The following NBEA variants were observed in gnomAD, a reference collection of about 807,000 sequenced individuals.
The protein encoded by NBEA is lysosomal-trafficking regulator 2.
In NBEA, 44 loss-of-function variants were observed where a neutral mutation model predicts 343.4. That is an observed-to-expected ratio of 0.13 (90% CI 0.10 to 0.16). The LOEUF (loss-of-function observed/expected upper bound fraction) is 0.16. NBEA is among the 10% of genes least tolerant of loss of function. The pLI is 1.00. For synonymous variants in NBEA, 1,175 were observed against 1,238.7 expected (o/e 0.95, Z 1.08); for missense variants, 2,555 against 3,631.3 (o/e 0.70, Z 7.62).
chr13:35,032,692 A>C (rs1388815752), intron 1 of NBEA, among the ~76,000 whole-genome samples: 1 of 151,598 alleles, frequency 6.6e-6, no homozygotes, highest in African/African-American at 2.4e-5. Context: ...TGAATATAAG[A>C]CATTTTTAAC....
intron 8 of NBEA, among the ~76,000 whole-genome samples, chr13:35,059,439 C>T (rs2152567845): frequency 6.6e-6 from 1 of 151,820 alleles, no homozygotes; most frequent in South Asian, 2.1e-4. Flanking sequence ...ATAGAGCGTG[C>T]ACATATATGA....
At chr13:35,271,587 C>T (rs1359223415) in intron 34 of NBEA, among the ~76,000 whole-genome samples, 1 of 152,092 alleles carries the variant, frequency 6.6e-6, no homozygotes, top group Non-Finnish European at 1.5e-5. Flanking sequence ...TAACCCATTG[C>T]AAGGAAGCTA....
At chr13:34,969,041 G>T (rs2059916063) in intron 1 of NBEA, among the ~76,000 whole-genome samples, 1 of 152,028 alleles carries the variant, frequency 6.6e-6, no homozygotes, top group African/African-American at 2.4e-5. Context: ...GAGTGATCAT[G>T]ACTTTTATCA....
chr13:35,123,605 G>T (rs773855826), intron 17 of NBEA, 31 bp downstream of exon 17: 227 of 1,312,448 alleles, frequency 1.7e-4, no homozygotes, highest in Non-Finnish European at 2.3e-4. Flanking sequence ...ATGCATTCTA[G>T]AAATAACTAT....
At chr13:35,348,925 C>G (rs986439098) in intron 36 of NBEA, among the ~76,000 whole-genome samples, 183 bp from the exon 37 acceptor site, 20 of 151,992 alleles carry the variant, frequency 1.3e-4, no homozygotes, top group African/African-American at 4.6e-4. Flanking sequence ...ATTGGTGCAA[C>G]AGTTTTATGA....
chr13:35,366,953 TTTGCCTC>T (rs901325622), intron 38 of NBEA, among the ~76,000 whole-genome samples: 3 of 151,392 alleles, frequency 2.0e-5, no homozygotes, highest in African/African-American at 7.2e-5. Context: ...GCAAGTTACA[TTTGCCTC>T]TTACCAATTT....
intron 1 of NBEA, among the ~76,000 whole-genome samples, chr13:34,998,525 C>T (rs557971733): frequency 8.5e-5 from 13 of 152,246 alleles, no homozygotes; most frequent in African/African-American, 1.4e-4. Context: ...GCCCCCAAAG[C>T]GGCCATTTTA....
chr13:35,075,396 T>A (rs2064068658), intron 10 of NBEA, among the ~76,000 whole-genome samples: 1 of 152,158 alleles, frequency 6.6e-6, no homozygotes, highest in African/African-American at 2.4e-5. Context: ...GTTTTAATGT[T>A]ATTGTAAACT....
At chr13:35,402,258 C>G (rs1364915120) in intron 38 of NBEA, among the ~76,000 whole-genome samples, 1 of 151,510 alleles carries the variant, frequency 6.6e-6, no homozygotes, top group Non-Finnish European at 1.5e-5. Context: ...ATATTTTATA[C>G]CTGAATAGTA....
At chr13:35,428,426 T>C (rs1032160496) in intron 38 of NBEA, among the ~76,000 whole-genome samples, 36 of 152,240 alleles carry the variant, frequency 2.4e-4, no homozygotes, top group African/African-American at 8.7e-4. Context: ...CCTTCTGTTA[T>C]TCAGTTTGCA....
At chr13:35,431,552 A>G (rs1263643072) in intron 38 of NBEA, among the ~76,000 whole-genome samples, 3 of 152,180 alleles carry the variant, frequency 2.0e-5, no homozygotes, top group East Asian at 1.9e-4. Context: ...GTGATGGCCA[A>G]TGTTGGCCGT....
intron 46 of NBEA, among the ~76,000 whole-genome samples, chr13:35,591,119 A>G (rs2153042588): frequency 6.6e-6 from 1 of 152,168 alleles, no homozygotes; most frequent in South Asian, 2.1e-4. Flanking sequence ...AATCTTATTT[A>G]ATCCCATAAT....
intron 38 of NBEA, among the ~76,000 whole-genome samples, chr13:35,388,449 GAT>G (rs965209943): frequency 7.8e-4 from 119 of 152,120 alleles, no homozygotes; most frequent in African/African-American, 2.7e-3. Flanking sequence ...AAAAAACTAA[GAT>G]AATTTATATT....
intron 47 of NBEA, among the ~76,000 whole-genome samples, chr13:35,601,808 A>T (rs2082068947): frequency 6.8e-6 from 1 of 148,028 alleles, no homozygotes; most frequent in Non-Finnish European, 1.5e-5. Flanking sequence ...GAATGACTGG[A>T]TTGTTACTTT....
intron 8 of NBEA, among the ~76,000 whole-genome samples, chr13:35,065,951 A>G (rs997423490): frequency 6.6e-6 from 1 of 151,988 alleles, no homozygotes; most frequent in East Asian, 1.9e-4. Context: ...TATTCAGGGA[A>G]TGTTTCGTGT....
chr13:35,415,594 T>C (rs982921339), intron 38 of NBEA, among the ~76,000 whole-genome samples: 1 of 152,182 alleles, frequency 6.6e-6, no homozygotes, highest in African/African-American at 2.4e-5. Flanking sequence ...TTGGTCTATG[T>C]CTCTGTTTTG....
At chr13:35,377,891 A>G (rs2041828921) in intron 38 of NBEA, among the ~76,000 whole-genome samples, 1 of 152,234 alleles carries the variant, frequency 6.6e-6, no homozygotes, top group African/African-American at 2.4e-5. Flanking sequence ...TCCCTGCCTG[A>G]AACAAAAACA....
chr13:35,650,451 T>A (rs556101280), intron 52 of NBEA, among the ~76,000 whole-genome samples: 1 of 152,306 alleles, frequency 6.6e-6, no homozygotes, highest in East Asian at 1.9e-4. Flanking sequence ...CAGTACATCT[T>A]GAAGCGACAT....
At chr13:35,341,046 A>G (rs1448989311) in intron 36 of NBEA, among the ~76,000 whole-genome samples, 1 of 152,090 alleles carries the variant, frequency 6.6e-6, no homozygotes, top group African/African-American at 2.4e-5. Context: ...ATAGTCTTAC[A>G]GACAAATTTA....
Sources: allele counts gnomAD v4.1 joint callset (sites outside exome capture counted in the v4.1 genomes callset), GRCh38; gene constraint gnomAD v4.1.1; transcripts MANE v1.5; gene names NCBI Gene and HGNC (gene_info 2026-07-23, HGNC 2026-07-21).